TBL1XR1: variants seen among roughly 807,000 people sequenced by gnomAD.
TBL1XR1 encodes F-box-like/WD repeat-containing protein TBL1XR1.
A neutral mutation model predicts 66.9 loss-of-function variants in TBL1XR1; 5 were observed. The observed-to-expected ratio is 0.07, with a 90% CI of 0.04 to 0.16. The LOEUF (loss-of-function observed/expected upper bound fraction) is 0.16, where lower values mean the gene tolerates loss of function less well. Ranked by LOEUF, TBL1XR1 falls within the 10% of genes least tolerant of loss-of-function variation. The pLI is 1.00. For missense variants in TBL1XR1, 238 were observed against 623.2 expected, an observed-to-expected ratio of 0.38 and a Z score of 6.58; for synonymous variants, 210 against 206.0, an observed-to-expected ratio of 1.02 and a Z score of -0.17.
intron 2 of TBL1XR1, among the ~76,000 whole-genome samples, chr3:177,070,385 G>C (rs1186782785): frequency 6.6e-6 from 1 of 152,102 alleles, no homozygotes; most frequent in Non-Finnish European, 1.5e-5. Context: ...ATAAATTACA[G>C]TCAAGGTATA....
intron 1 of TBL1XR1, among the ~76,000 whole-genome samples, chr3:177,127,945 G>A (rs562437285): frequency 8.5e-5 from 13 of 152,236 alleles, no homozygotes; most frequent in South Asian, 4.1e-4. Flanking sequence ...CGGGCCGGGC[G>A]CAGTGGCTCA....
chr3:177,158,470 G>A (rs556088416), intron 1 of TBL1XR1, among the ~76,000 whole-genome samples: 3 of 151,880 alleles, frequency 2.0e-5, no homozygotes, highest in Admixed American at 1.3e-4. Flanking sequence ...CTCATGATCC[G>A]CCCGCCTCGG....
chr3:177,119,823 C>T (rs991068343), intron 1 of TBL1XR1, among the ~76,000 whole-genome samples: 2 of 152,214 alleles, frequency 1.3e-5, no homozygotes, highest in East Asian at 3.8e-4. Context: ...AATTAGTGCT[C>T]TATACCAACC....
chr3:177,167,449 C>A (rs1213760400), intron 1 of TBL1XR1, among the ~76,000 whole-genome samples: 1 of 152,180 alleles, frequency 6.6e-6, no homozygotes, highest in African/African-American at 2.4e-5. Context: ...ACGTACAACA[C>A]CAAGAGTGAA....
chr3:177,050,670 G>C (rs1577026597), intron 5 of TBL1XR1, 60 bp from the exon 6 acceptor site: 4 of 1,592,294 alleles, frequency 2.5e-6, no homozygotes, highest in Admixed American at 1.7e-5. Context: ...ATGGTGGATG[G>C]GTGATTTCTT....
intron 1 of TBL1XR1, among the ~76,000 whole-genome samples, chr3:177,129,386 C>T (rs531395584): frequency 6.6e-6 from 1 of 152,158 alleles, no homozygotes; most frequent in African/African-American, 2.4e-5. Flanking sequence ...AAGTGCTCAA[C>T]CTCCTTGCAA....
intron 5 of TBL1XR1, 128 bp from the exon 6 acceptor site, chr3:177,050,738 T>G: frequency 9.9e-7 from 1 of 1,011,558 alleles, no homozygotes; most frequent in East Asian, 2.6e-5. Flanking sequence ...TTATATCCAG[T>G]TAAGCTGAAC....
intron 1 of TBL1XR1, among the ~76,000 whole-genome samples, chr3:177,129,179 A>T (rs994808057): frequency 7.9e-5 from 12 of 152,182 alleles, no homozygotes; most frequent in African/African-American, 1.9e-4. Context: ...TACTTTTTTT[A>T]AAAATCCTTT....
intron 10 of TBL1XR1, among the ~76,000 whole-genome samples, chr3:177,040,636 A>ATT (rs913067090): frequency 6.7e-6 from 1 of 148,652 alleles, no homozygotes; most frequent in African/African-American, 2.5e-5. Context: ...CTATACTGAG[A>ATT]TTTTTTTTTT....
intron 1 of TBL1XR1, among the ~76,000 whole-genome samples, chr3:177,183,636 C>G (rs1187714013): frequency 6.6e-6 from 1 of 151,208 alleles, no homozygotes; most frequent in Non-Finnish European, 1.5e-5. Context: ...TCAGCCTCCG[C>G]AGCTGGGATT....
intron 2 of TBL1XR1, among the ~76,000 whole-genome samples, chr3:177,075,847 A>G (rs1720633084): frequency 6.6e-6 from 1 of 152,166 alleles, no homozygotes; most frequent in Non-Finnish European, 1.5e-5. Context: ...TGTCTTATAG[A>G]AGTCCAAAAT....
chr3:177,104,344 ATCT>A (rs145963451), intron 1 of TBL1XR1, among the ~76,000 whole-genome samples: 3,090 of 152,298 alleles, frequency 0.02, 51 homozygotes, highest in African/African-American at 0.034. Context: ...TTTCAACTGA[ATCT>A]TCTTAATCCG....
intron 4 of TBL1XR1, among the ~76,000 whole-genome samples, chr3:177,052,367 A>G (rs1352470886): frequency 1.3e-5 from 2 of 152,362 alleles, no homozygotes; most frequent in South Asian, 2.1e-4. Context: ...GGGAACATGC[A>G]TATGTGAAGT....
At chr3:177,176,333 A>G (rs1485631053) in intron 1 of TBL1XR1, among the ~76,000 whole-genome samples, 2 of 150,850 alleles carry the variant, frequency 1.3e-5, no homozygotes, top group African/African-American at 4.8e-5. Context: ...AGTAGCTGCG[A>G]TTACAGGCTT....
At chr3:177,167,724 A>AG (rs1662707221) in intron 1 of TBL1XR1, among the ~76,000 whole-genome samples, 1 of 152,198 alleles carries the variant, frequency 6.6e-6, no homozygotes, top group Admixed American at 6.5e-5. Flanking sequence ...TAAGGTTGGG[A>AG]GTTCGAGACC....
chr3:177,175,451 A>C (rs1376364537), intron 1 of TBL1XR1, among the ~76,000 whole-genome samples: 4 of 152,232 alleles, frequency 2.6e-5, no homozygotes, highest in African/African-American at 9.6e-5. Flanking sequence ...TCTAAAAAAT[A>C]TTTTGAGACT....
intron 3 of TBL1XR1, among the ~76,000 whole-genome samples, chr3:177,054,165 ATT>A (rs1231300160): frequency 1.3e-5 from 2 of 151,890 alleles, no homozygotes; most frequent in African/African-American, 4.8e-5. Flanking sequence ...TAAATACTTG[ATT>A]ATATAGCTTC....
chr3:177,052,522 TATAA>T (rs1717231343), intron 4 of TBL1XR1, among the ~76,000 whole-genome samples: 1 of 152,192 alleles, frequency 6.6e-6, no homozygotes, highest in Non-Finnish European at 1.5e-5. Flanking sequence ...TATTTTAACT[TATAA>T]ATAATTTTTA....
intron 2 of TBL1XR1, among the ~76,000 whole-genome samples, chr3:177,073,415 G>A (rs551577518): frequency 1.6e-4 from 25 of 152,172 alleles, no homozygotes; most frequent in African/African-American, 5.3e-4. Flanking sequence ...AACAAAAAAG[G>A]TACTTAAAAG....
Sources: gnomAD v4.1 joint callset for allele counts (sites outside exome capture counted in the v4.1 genomes callset) on GRCh38, gnomAD v4.1.1 for gene constraint, MANE v1.5 for transcripts, NCBI Gene and HGNC (gene_info 2026-07-23, HGNC 2026-07-21) for gene names.